STRADB: variants seen among roughly 807,000 people sequenced by gnomAD.
The protein encoded by STRADB is STE20 related adaptor beta.
In STRADB, 34 loss-of-function variants were observed where a neutral mutation model predicts 52.1. The observed-to-expected ratio is 0.65, with a 90% CI of 0.50 to 0.87. STRADB has a LOEUF of 0.87. Ranked by LOEUF, STRADB falls within the 40% of genes least tolerant of loss-of-function variation. The probability of loss-of-function intolerance (pLI) is 0.00; values close to 1 mark genes in which losing one functional copy is unlikely to be tolerated. For missense variants in STRADB, 340 were observed against 483.9 expected (o/e 0.70, Z 2.79); for synonymous variants, 133 against 174.5 (o/e 0.76, Z 1.87).
At chr2:201,477,048 A>T (rs910925083) in intron 7 of STRADB, among the ~76,000 whole-genome samples, 7 of 107,586 alleles carry the variant, frequency 6.5e-5, no homozygotes, top group Non-Finnish European at 9.4e-5. Flanking sequence ...AAAAAATATT[A>T]TCAGTTTTTT....
chr2:201,452,888 C>A (rs532942014), intron 1 of STRADB, among the ~76,000 whole-genome samples: 1 of 152,118 alleles, frequency 6.6e-6, no homozygotes, highest in Non-Finnish European at 1.5e-5. Flanking sequence ...TCGTAATTAG[C>A]GTTTTGGATA....
intron 3 of STRADB, among the ~76,000 whole-genome samples, chr2:201,467,400 T>C (rs949761789): frequency 6.6e-6 from 1 of 152,178 alleles, no homozygotes; most frequent in African/African-American, 2.4e-5. Context: ...GCTCAACTAC[T>C]GTCAATGGTG....
At chr2:201,458,301 A>G (rs1288981412) in intron 2 of STRADB, among the ~76,000 whole-genome samples, 1 of 152,202 alleles carries the variant, frequency 6.6e-6, no homozygotes. Flanking sequence ...ATAATTAGAG[A>G]TGTTTATCAC....
chr2:201,459,421 C>T (rs1246478207), intron 3 of STRADB, among the ~76,000 whole-genome samples: 1 of 152,174 alleles, frequency 6.6e-6, no homozygotes, highest in Non-Finnish European at 1.5e-5. Flanking sequence ...TTCAAACCCA[C>T]CAACTCATGG....
At chr2:201,452,681 G>A (rs1249678380) in intron 1 of STRADB, among the ~76,000 whole-genome samples, 2 of 152,174 alleles carry the variant, frequency 1.3e-5, no homozygotes, top group African/African-American at 2.4e-5. Flanking sequence ...TAATTTTAAA[G>A]CTCAACAAAG....
chr2:201,456,661 C>T (rs184142316), intron 2 of STRADB, among the ~76,000 whole-genome samples: 1 of 152,272 alleles, frequency 6.6e-6, no homozygotes, highest in African/African-American at 2.4e-5. Context: ...AAGTTTTACC[C>T]TCTATTTGAG....
chr2:201,467,502 C>T (rs536497092), intron 3 of STRADB, among the ~76,000 whole-genome samples: 12 of 152,170 alleles, frequency 7.9e-5, no homozygotes, highest in Non-Finnish European at 1.8e-4. Flanking sequence ...CCGGTTACTC[C>T]ATATTTCTTA....
rs369884543 is a variant in STRADB, at chr2:201,474,222, A to G, written c.316-425A>G. Among the ~76,000 whole-genome samples, 3 of 152,284 alleles carry G rather than the reference A, an allele frequency of 2.0e-5. No homozygotes were observed. The East Asian group carries it at 5.8e-4, about 29-fold the overall frequency. ...TTAAAATATTTATATGTGCACATGTATATTACACAAACAAAAAAAGACTAG... is the reference window on the plus strand; with the variant it reads ...TTAAAATATTTATATGTGCACATGTGTATTACACAAACAAAAAAAGACTAG... On this transcript the variant is annotated intron_variant, in intron 5 of 11. Transcript: ENST00000194530.
intron 3 of STRADB, among the ~76,000 whole-genome samples, chr2:201,460,299 T>G (rs1216881275): frequency 1.3e-5 from 2 of 152,214 alleles, no homozygotes; most frequent in Non-Finnish European, 2.9e-5. Context: ...TGAGATATTT[T>G]GATACAGACA....
chr2:201,476,357 AC>A (rs1952471707), intron 7 of STRADB, among the ~76,000 whole-genome samples: 1 of 142,778 alleles, frequency 7.0e-6, no homozygotes. Context: ...TTTTTGTCTT[AC>A]TTTTTTTTTT....
chr2:201,464,118 C>T (rs1234194854), intron 3 of STRADB, among the ~76,000 whole-genome samples: 5 of 152,060 alleles, frequency 3.3e-5, no homozygotes, highest in Admixed American at 1.3e-4. Context: ...ATCATGTTTT[C>T]CTAGATGTTC....
At chr2:201,474,799 A>G (rs768795526) in intron 6 of STRADB, 44 bp downstream of exon 6, 2 of 1,398,796 alleles carry the variant, frequency 1.4e-6, no homozygotes, top group Admixed American at 4.4e-5. Flanking sequence ...CCTAGATGTT[A>G]TAATTATATA....
intron 4 of STRADB, among the ~76,000 whole-genome samples, chr2:201,470,724 A>G (rs535434891): frequency 6.6e-6 from 1 of 152,324 alleles, no homozygotes; most frequent in African/African-American, 2.4e-5. Flanking sequence ...AAGATGGAGC[A>G]TACAACGAAC....
At position 201,478,449 on chromosome 2, in the gene STRADB, A is replaced by G; in HGVS notation, c.918A>G (p.Ser306=). Residue 306 remains serine, a synonymous_variant, in exon 10 of 12, where the codon TCA becomes TCG. Transcript: ENST00000194530. Reference sequence around the variant, plus strand: ...AATCCAGAATGAAAAATTCCCAGTCAGGTGTAGACTCTGGGATTGGAGAAA... The same window carrying G: ...AATCCAGAATGAAAAATTCCCAGTCGGGTGTAGACTCTGGGATTGGAGAAA... ...QSESRMKNSQ[S]GVDSGIGESV... The G allele has an allele frequency of 6.2e-7, 1 of 1,614,110 alleles. No homozygotes were observed. Among genetic ancestry groups the G allele is most frequent in the Admixed American group, 1.7e-5 (1 of 60,016 alleles).
Position 201,480,447 on chromosome 2 carries a change from T to TATCTC in STRADB, c.*273_*277dup, listed in dbSNP as rs1952553384. 1 of 1,165,238 alleles carries TATCTC rather than the reference T, an allele frequency of 8.6e-7. No homozygotes were observed. Among genetic ancestry groups the TATCTC allele is most frequent in the African/African-American group, 1.6e-5 (1 of 63,208 alleles). The allele number at this position is 1,165,238 out of a possible 1,614,324, so 72.2% of individuals were successfully genotyped here. A position where few individuals can be genotyped will look rare whatever the true frequency, so the allele number is the denominator to read the frequency against. ...TTTCTAAGCTGTGACTAACTCTTTTTATCTCTCAATATAATTTTTGAGCCA... is the reference window on the plus strand; with the variant it reads ...TTTCTAAGCTGTGACTAACTCTTTTTATCTCATCTCTCAATATAATTTTTGAGCCA... On this transcript the variant is annotated 3_prime_UTR_variant, in exon 12 of 12. Transcript: ENST00000194530.
chr2:201,456,895 T>A (rs1952136885), intron 2 of STRADB, among the ~76,000 whole-genome samples: 2 of 152,204 alleles, frequency 1.3e-5, no homozygotes, highest in African/African-American at 4.8e-5. Context: ...ATATGCACAG[T>A]TCCCCCAGAG....
At chr2:201,453,585 A>C (rs1350149550) in intron 1 of STRADB, among the ~76,000 whole-genome samples, 2 of 152,216 alleles carry the variant, frequency 1.3e-5, no homozygotes, top group Admixed American at 1.3e-4. Context: ...TTACTGGGTC[A>C]AAAAGTATGA....
intron 3 of STRADB, among the ~76,000 whole-genome samples, chr2:201,463,677 T>C (rs1036592513): frequency 6.6e-6 from 1 of 152,206 alleles, no homozygotes; most frequent in African/African-American, 2.4e-5. Flanking sequence ...GAATAAACTT[T>C]CTATTCTGAT....
chr2:201,471,733 A>C (rs1289497677), intron 4 of STRADB, among the ~76,000 whole-genome samples: 2 of 152,294 alleles, frequency 1.3e-5, no homozygotes. Flanking sequence ...TGTCATCTTC[A>C]TTACCTGTGT....
Sources: allele counts gnomAD v4.1 joint callset (sites outside exome capture counted in the v4.1 genomes callset), GRCh38; gene constraint gnomAD v4.1.1; transcripts MANE v1.5; gene names NCBI Gene and HGNC (gene_info 2026-07-23, HGNC 2026-07-21).